HOMER1: variants seen among roughly 807,000 people sequenced by gnomAD.
The protein encoded by HOMER1 is homer protein homolog 1.
A neutral mutation model predicts 48.9 loss-of-function variants in HOMER1; 3 were observed. The ratio of observed to expected loss-of-function variants is 0.06; its 90% CI spans 0.03 to 0.16. The LOEUF is 0.16. HOMER1 is among the 10% of genes least tolerant of loss of function. The pLI is 1.00. For synonymous variants in HOMER1, 134 were observed against 146.4 expected, an observed-to-expected ratio of 0.92 and a Z score of 0.61; for missense variants, 247 against 411.4, an observed-to-expected ratio of 0.60 and a Z score of 3.46.
intron 1 of HOMER1, among the ~76,000 whole-genome samples, chr5:79,462,884 G>T (rs1335782266): frequency 1.3e-5 from 2 of 152,192 alleles, no homozygotes; most frequent in Non-Finnish European, 2.9e-5. Context: ...GAAAGGAAGA[G>T]AAATTGTACA....
intron 3 of HOMER1, among the ~76,000 whole-genome samples, chr5:79,449,760 C>T (rs750786026): frequency 5.9e-5 from 9 of 152,176 alleles, no homozygotes; most frequent in Admixed American, 5.9e-4. Flanking sequence ...AAGGCATGAG[C>T]CACTGTGCCC....
rs1749423035 is a variant in HOMER1 at position 79,397,657 on chromosome 5, C to T, written c.685-20G>A. On this transcript the variant is annotated intron_variant, in intron 6 of 8. Coordinates refer to ENST00000334082, the MANE Select transcript of HOMER1 (RefSeq NM_004272.5). The stretch of plus-strand genomic sequence containing the variant: ...AGTCACCTAAAATTAAATGAGAACA[C>T]AGATTAACTTAAATTTCAACTTTAA... 1.4e-6 allele frequency: 2 copies of T among 1,425,138 alleles called. No homozygotes were observed. The highest frequency in any genetic ancestry group is 2.8e-5 in the African/African-American group (2 of 70,276). The allele number at this position is 1,425,138 out of a possible 1,614,324, so 88.3% of individuals were successfully genotyped here.
chr5:79,491,075 C>CAAAAAAAAAAA (rs10527802), intron 1 of HOMER1, among the ~76,000 whole-genome samples: 8 of 37,248 alleles, frequency 2.1e-4, no homozygotes, highest in Non-Finnish European at 4.7e-4. Context: ...AGTACCAAAG[C>CAAAAAAAAAAA]AAAAAAAAAA....
chr5:79,476,896 G>A (rs907414446), intron 1 of HOMER1, among the ~76,000 whole-genome samples: 2 of 152,180 alleles, frequency 1.3e-5, no homozygotes, highest in African/African-American at 2.4e-5. Flanking sequence ...AAAACCCAAC[G>A]AGGCCTGTCT....
intron 1 of HOMER1, among the ~76,000 whole-genome samples, chr5:79,465,591 T>TC (rs1463403673): frequency 7.9e-6 from 1 of 125,796 alleles, no homozygotes; most frequent in East Asian, 2.2e-4. Flanking sequence ...CTTCTTTTTT[T>TC]TTTTTTTTTT....
rs924491983 is a variant in HOMER1, at chr5:79,512,930, T to G, written c.-156A>C. On this transcript the variant is annotated 5_prime_UTR_variant, in exon 1 of 9. Transcript: ENST00000334082. ...TCAAGGATGCTGCCAATTCAATTAG[T>G]TCTCTTAGGTAAAATGATTTCTCTC... is the stretch of plus-strand genomic sequence containing the variant. The G allele has an allele frequency of 7.6e-6, 5 of 660,190 alleles. No individual in the cohort carries two copies. The highest frequency in any genetic ancestry group is 3.7e-5 in the African/African-American group (2 of 54,672). 40.9% of individuals were successfully genotyped at this position (660,190 alleles called of 1,614,324 possible).
chr5:79,429,915 C>T (rs1043331511), intron 5 of HOMER1, among the ~76,000 whole-genome samples: 3 of 151,260 alleles, frequency 2.0e-5, no homozygotes, highest in South Asian at 4.2e-4. Flanking sequence ...CCCAGCTACT[C>T]GGGAGGCTGA....
intron 1 of HOMER1, among the ~76,000 whole-genome samples, chr5:79,494,053 C>G (rs1185444331): frequency 6.6e-6 from 1 of 152,210 alleles, no homozygotes; most frequent in African/African-American, 2.4e-5. Context: ...ATCCTGGCTA[C>G]TACTCATTTC....
At chr5:79,427,709 T>C (rs888193648) in intron 5 of HOMER1, among the ~76,000 whole-genome samples, 8 of 121,140 alleles carry the variant, frequency 6.6e-5, no homozygotes, top group African/African-American at 2.9e-4. Flanking sequence ...CCTTCCTTCC[T>C]TTCCTTCCCT....
At chr5:79,493,934 A>C (rs544497548) in intron 1 of HOMER1, among the ~76,000 whole-genome samples, 1 of 152,262 alleles carries the variant, frequency 6.6e-6, no homozygotes, top group African/African-American at 2.4e-5. Context: ...CTTCATGGCA[A>C]TTTGATTTCC....
At chr5:79,427,858 A>G (rs960721095) in intron 5 of HOMER1, among the ~76,000 whole-genome samples, 12 of 125,724 alleles carry the variant, frequency 9.5e-5, no homozygotes, top group South Asian at 7.4e-4. Context: ...AGGTTTTTTT[A>G]TATTATTTTC....
chr5:79,406,264 A>T (rs185880735), intron 5 of HOMER1, among the ~76,000 whole-genome samples: 178 of 152,324 alleles, frequency 1.2e-3, no homozygotes, highest in African/African-American at 4.2e-3. Context: ...CTCAAGTTTA[A>T]GATACAACTC....
At position 79,439,006 on chromosome 5, in the gene HOMER1, G is replaced by T; in HGVS notation, c.527+4C>A. 1 of 1,611,512 alleles carries T rather than the reference G, an allele frequency of 6.2e-7. No homozygotes were observed. Among genetic ancestry groups the T allele is most frequent in the Non-Finnish European group, 8.5e-7 (1 of 1,178,212 alleles). On this transcript the variant is annotated splice_donor_region_variant and intron_variant, in intron 5 of 8. Coordinates refer to ENST00000334082, the MANE Select transcript of HOMER1 (RefSeq NM_004272.5). ...TAATCATAATTGCTGAATTGAATCT[G>T]TACCTATGTGAAAATGGCAATGCAT...
At chr5:79,502,239 C>T (rs953652107) in intron 1 of HOMER1, among the ~76,000 whole-genome samples, 5 of 151,968 alleles carry the variant, frequency 3.3e-5, no homozygotes, top group South Asian at 4.2e-4. Context: ...AGGATGGTCT[C>T]GATCTCCTGA....
chr5:79,449,118 A>G (rs912282905), intron 3 of HOMER1, among the ~76,000 whole-genome samples: 1 of 152,240 alleles, frequency 6.6e-6, no homozygotes, highest in Non-Finnish European at 1.5e-5. Flanking sequence ...ATTTACAGAC[A>G]AAATTACTCA....
intron 1 of HOMER1, among the ~76,000 whole-genome samples, chr5:79,502,087 T>C (rs1031098482): frequency 2.0e-5 from 3 of 149,152 alleles, no homozygotes; most frequent in African/African-American, 7.4e-5. Flanking sequence ...TGGCGCGATC[T>C]TGGCTCACTG....
intron 8 of HOMER1, 63 bp downstream of exon 8, chr5:79,396,760 T>G: frequency 1.1e-6 from 1 of 923,290 alleles, no homozygotes. Context: ...AAAAAGTCAG[T>G]GCTATGTGAA....
Position 79,495,572 on chromosome 5 carries a change from G to C in HOMER1, c.5+17198C>G, listed in dbSNP as rs569022523. Among the ~76,000 whole-genome samples, 8 of 152,286 alleles carry C rather than the reference G, an allele frequency of 5.3e-5. No homozygotes were observed. The South Asian group carries it at 1.4e-3, about 28-fold the overall frequency. On this transcript the variant is annotated intron_variant, in intron 1 of 8. Transcript: ENST00000334082. Reference sequence around the variant, plus strand: ...ACTACCAGTGCCTGGCATGACTCACGACACAAATTAAGTGCTTAACGTTTT... The same window carrying C: ...ACTACCAGTGCCTGGCATGACTCACCACACAAATTAAGTGCTTAACGTTTT...
intron 1 of HOMER1, among the ~76,000 whole-genome samples, chr5:79,459,630 T>G (rs1239360534): frequency 6.6e-6 from 1 of 152,234 alleles, no homozygotes; most frequent in Non-Finnish European, 1.5e-5. Flanking sequence ...TACTAATAAA[T>G]GATTCAAACT....
Sources: gnomAD v4.1 joint callset for allele counts (sites outside exome capture counted in the v4.1 genomes callset) on GRCh38, gnomAD v4.1.1 for gene constraint, MANE v1.5 for transcripts, NCBI Gene and HGNC (gene_info 2026-07-23, HGNC 2026-07-21) for gene names.